Variants in CNTNAP2 observed in about 807,000 individuals in gnomAD.
The protein encoded by CNTNAP2 is contactin-associated protein-like 2.
Under a neutral mutation model 155.2 loss-of-function variants are expected in CNTNAP2, and 98 were observed. The ratio of observed to expected loss-of-function variants is 0.63; its 90% CI spans 0.54 to 0.75. The LOEUF (loss-of-function observed/expected upper bound fraction) is 0.75. Among genes scored for constraint, CNTNAP2 ranks in the 30% least tolerant of loss-of-function variants. CNTNAP2 has a pLI of 0.00. For synonymous variants in CNTNAP2, 651 were observed against 631.2 expected (o/e 1.03, Z -0.47); for missense variants, 1,727 against 1,688.1 (o/e 1.02, Z -0.40).
intron 1 of CNTNAP2, among the ~76,000 whole-genome samples, chr7:146,533,031 G>A (rs1041719418): frequency 3.3e-5 from 5 of 150,414 alleles, no homozygotes; most frequent in African/African-American, 9.8e-5. Flanking sequence ...GAACCCGGGA[G>A]GCAGAGGTTG....
At chr7:147,934,953 T>G (rs1176270894) in intron 14 of CNTNAP2, among the ~76,000 whole-genome samples, 1 of 152,212 alleles carries the variant, frequency 6.6e-6, no homozygotes, top group African/African-American at 2.4e-5. Context: ...ACGTTTAAAT[T>G]TATAAGATGA....
intron 1 of CNTNAP2, among the ~76,000 whole-genome samples, chr7:146,358,364 C>A: frequency 6.6e-6 from 1 of 152,274 alleles, no homozygotes; most frequent in Non-Finnish European, 1.5e-5. Flanking sequence ...CCGTAGGCAT[C>A]AGATATAGAT....
At chr7:147,448,413 T>G (rs12530837) in intron 10 of CNTNAP2, among the ~76,000 whole-genome samples, 29,833 of 151,038 alleles carry the variant, frequency 0.2, 3,148 homozygotes, top group East Asian at 0.36. Context: ...ACATTCTTCT[T>G]GCTTTAGAGT....
chr7:147,802,338 G>A (rs1219888000), intron 13 of CNTNAP2, among the ~76,000 whole-genome samples: 17 of 151,138 alleles, frequency 1.1e-4, no homozygotes, highest in Non-Finnish European at 1.0e-4. Context: ...ACGATGGGCG[G>A]CCAGGCAGAG....
intron 1 of CNTNAP2, among the ~76,000 whole-genome samples, chr7:146,198,584 T>C (rs988672018): frequency 4.6e-5 from 7 of 152,182 alleles, no homozygotes; most frequent in African/African-American, 1.7e-4. Context: ...TTCAAACCAG[T>C]TCAACCATCT....
chr7:148,020,608 AAAG>A (rs1229106083), intron 15 of CNTNAP2, among the ~76,000 whole-genome samples: 1 of 152,242 alleles, frequency 6.6e-6, no homozygotes, highest in Non-Finnish European at 1.5e-5. Context: ...CTAAGTGAAT[AAAG>A]AAGGAGTGAA....
At chr7:146,197,029 T>C (rs1798786855) in intron 1 of CNTNAP2, among the ~76,000 whole-genome samples, 1 of 152,148 alleles carries the variant, frequency 6.6e-6, no homozygotes, top group Admixed American at 6.5e-5. Flanking sequence ...CCTCTCTGTT[T>C]TGAAGATGGT....
intron 9 of CNTNAP2, among the ~76,000 whole-genome samples, chr7:147,332,379 C>A (rs1202664043): frequency 1.3e-5 from 2 of 152,076 alleles, no homozygotes; most frequent in African/African-American, 2.4e-5. Context: ...AAGTTGGACA[C>A]ATTTTCAGAA....
intron 15 of CNTNAP2, among the ~76,000 whole-genome samples, chr7:147,992,126 G>C (rs1024185738): frequency 9.1e-6 from 1 of 109,292 alleles, no homozygotes; most frequent in Non-Finnish European, 1.6e-5. Context: ...ACAGAGTCTC[G>C]CTCTGTCACC....
At chr7:147,266,452 G>A (rs1442434264) in intron 8 of CNTNAP2, among the ~76,000 whole-genome samples, 1 of 152,156 alleles carries the variant, frequency 6.6e-6, no homozygotes, top group Non-Finnish European at 1.5e-5. Flanking sequence ...CTTGGCAGGT[G>A]GACCAGCATT....
intron 4 of CNTNAP2, among the ~76,000 whole-genome samples, chr7:147,064,033 T>C (rs1365355385): frequency 6.6e-6 from 1 of 152,108 alleles, no homozygotes; most frequent in African/African-American, 2.4e-5. Context: ...GAAATCAATA[T>C]AAAATATGTT....
At chr7:146,659,717 CTT>C (rs1428381139) in intron 1 of CNTNAP2, among the ~76,000 whole-genome samples, 2 of 152,156 alleles carry the variant, frequency 1.3e-5, no homozygotes, top group Non-Finnish European at 2.9e-5. Flanking sequence ...GTCTTAATAA[CTT>C]TGAGGAAAAT....
chr7:148,396,340 C>T (rs973533891), intron 22 of CNTNAP2, among the ~76,000 whole-genome samples: 1 of 152,154 alleles, frequency 6.6e-6, no homozygotes, highest in Non-Finnish European at 1.5e-5. Context: ...CCTACTGTAC[C>T]GCATTTTTGA....
intron 8 of CNTNAP2, among the ~76,000 whole-genome samples, chr7:147,172,548 T>C (rs748357344): frequency 5.9e-5 from 9 of 152,146 alleles, no homozygotes; most frequent in Non-Finnish European, 8.8e-5. Flanking sequence ...TCAGAGTCAT[T>C]TGTAACTTCA....
rs971436677 is a variant in CNTNAP2, at chr7:146,441,595, T to A, written c.97+324622T>A. On this transcript the variant is annotated intron_variant, in intron 1 of 23. Coordinates refer to ENST00000361727, the MANE Select transcript of CNTNAP2 (RefSeq NM_014141.6). ...TCATTGGCCTAAACCTGGCATGCATTTCCTCTTGCTGATGCTCTGGAGTCT... is the reference window on the plus strand; with the variant it reads ...TCATTGGCCTAAACCTGGCATGCATATCCTCTTGCTGATGCTCTGGAGTCT... Among the ~76,000 whole-genome samples, 3 of 151,464 alleles carry A rather than the reference T, an allele frequency of 2.0e-5. No individual in the cohort carries two copies. The East Asian group carries it at 5.8e-4, about 29-fold the overall frequency.
intron 3 of CNTNAP2, among the ~76,000 whole-genome samples, chr7:146,976,677 C>A (rs965602485): frequency 3.3e-5 from 5 of 152,126 alleles, no homozygotes; most frequent in African/African-American, 4.8e-5. Context: ...TCCAGAAGCT[C>A]TTCGAACCCT....
At chr7:147,110,747 T>G (rs1032975185) in intron 5 of CNTNAP2, among the ~76,000 whole-genome samples, 2 of 152,234 alleles carry the variant, frequency 1.3e-5, no homozygotes, top group Admixed American at 1.3e-4. Context: ...GGTGTATATG[T>G]ACCACATTTT....
rs574141782 is a variant in CNTNAP2, at chr7:147,203,869, A to G, written c.1348+71360A>G. On this transcript the variant is annotated intron_variant, in intron 8 of 23. Transcript: ENST00000361727. ...ATTGTACCAGCTAGAATAAAAAGCA[A>G]CAATAGATTATAATAGCAAAATGTA... 2.6e-5 allele frequency among the ~76,000 whole-genome samples: 4 copies of G among 152,276 alleles called. 1 individual carries two copies. Among genetic ancestry groups the G allele is most frequent in the African/African-American group, 7.2e-5 (3 of 41,588 alleles).
At chr7:146,126,500 C>A (rs1322489865) in intron 1 of CNTNAP2, among the ~76,000 whole-genome samples, 2 of 152,168 alleles carry the variant, frequency 1.3e-5, no homozygotes, top group East Asian at 3.9e-4. Context: ...CATTTGAGTA[C>A]TATTGAAATA....
Sources: gnomAD v4.1 joint callset for allele counts (sites outside exome capture counted in the v4.1 genomes callset) on GRCh38, gnomAD v4.1.1 for gene constraint, MANE v1.5 for transcripts, NCBI Gene and HGNC (gene_info 2026-07-23, HGNC 2026-07-21) for gene names.